MYEF2: variants seen among roughly 807,000 people sequenced by gnomAD.
MYEF2 encodes myelin gene expression factor 2.
A neutral mutation model predicts 75.2 loss-of-function variants in MYEF2; 37 were observed. That is an observed-to-expected ratio of 0.49 (90% confidence interval 0.38 to 0.65). The LOEUF is 0.65. Ranked by LOEUF, MYEF2 falls within the 30% of genes least tolerant of loss-of-function variation. The pLI, the probability that MYEF2 is intolerant of heterozygous loss-of-function variation, is 0.00. For missense variants in MYEF2, 634 were observed against 771.4 expected, an observed-to-expected ratio of 0.82 and a Z score of 2.11; for synonymous variants, 195 against 241.6, an observed-to-expected ratio of 0.81 and a Z score of 1.79.
intron 6 of MYEF2, among the ~76,000 whole-genome samples, 187 bp downstream of exon 6, chr15:48,159,426 C>A (rs1029524033): frequency 1.3e-5 from 2 of 151,908 alleles, no homozygotes; most frequent in Non-Finnish European, 2.9e-5. Flanking sequence ...TAAACTCTAA[C>A]CTTGTGCGTG....
At chr15:48,165,049 G>A (rs2040086053) in intron 5 of MYEF2, among the ~76,000 whole-genome samples, 1 of 152,026 alleles carries the variant, frequency 6.6e-6, no homozygotes, top group African/African-American at 2.4e-5. Flanking sequence ...GAGAAATTAA[G>A]TAGCATGTCT....
In MYEF2 at chr15:48,151,573, T is replaced by C. The variant is rs1597304844; in HGVS notation, c.1208-2A>G. ...TAGTCATCGCACCACGGTACAGCTC[T>C]GAAAAAATTGTGCAACAAATTAACC... On this transcript the variant is annotated splice_acceptor_variant, in intron 12 of 16. Transcript: ENST00000324324. LOFTEE classifies it high-confidence loss of function. 6.3e-7 allele frequency: 1 copy of C among 1,598,562 alleles called. No individual in the cohort carries two copies. The highest frequency in any genetic ancestry group is 8.5e-7 in the Non-Finnish European group (1 of 1,175,276).
rs759813289 is a variant in MYEF2 at position 48,143,047 on chromosome 15, T to G, written c.1664A>C (p.Lys555Thr). The G allele has an allele frequency of 6.4e-7, 1 of 1,574,748 alleles. No homozygotes were observed. The highest frequency in any genetic ancestry group is 8.6e-7 in the Non-Finnish European group (1 of 1,164,154). ...GCCTTTTGACTTTCCATTCTCCATT[T>G]TTATTTCTGCAAACATTACATGACC... ...QCGHVMFAEI[K>T]MENGKSKGCG... is the part of the protein sequence containing the mutation. The change falls in exon 17 of 17, where the codon AAA becomes ACA. Residue 555 changes from lysine (K) to threonine (T), a missense_variant. By Grantham distance (78) the Lys-to-Thr change is moderately conservative. Transcript: ENST00000324324.
rs1399943066 is a variant in MYEF2, at chr15:48,168,652, T to C, written c.349A>G (p.Lys117Glu). The C allele has an allele frequency of 6.2e-7, 1 of 1,613,644 alleles. No homozygotes were observed. The highest frequency in any genetic ancestry group is 1.3e-5 in the African/African-American group (1 of 75,040). The change falls in exon 2 of 17, where the codon AAA becomes GAA. Residue 117 changes from lysine (K) to glutamate (E), a missense_variant. By Grantham distance (56) the Lys-to-Glu change is moderately conservative. Coordinates refer to ENST00000324324, the MANE Select transcript of MYEF2 (RefSeq NM_016132.5). ...IPYDMKWQAI[K>E]DLMREKVGEV... ...TTACCTTTCTCTCTCATTAGATCTT[T>C]AATAGCTTGCCATTTCATGTCATAT...
At chr15:48,175,224 C>G (rs529945569) in intron 1 of MYEF2, among the ~76,000 whole-genome samples, 1 of 152,162 alleles carries the variant, frequency 6.6e-6, no homozygotes, top group East Asian at 1.9e-4. Context: ...CTCAGAAAGA[C>G]AAATGCTACA....
At position 48,142,662 on chromosome 15, in the gene MYEF2, A is replaced by T; in HGVS notation, c.*246T>A. The T allele has an allele frequency of 2.2e-6, 1 of 458,862 alleles. No individual in the cohort carries two copies. Among genetic ancestry groups the T allele is most frequent in the Non-Finnish European group, 3.8e-6 (1 of 265,330 alleles). 28.4% of individuals were successfully genotyped at this position (458,862 alleles called of 1,614,324 possible). A position where few individuals can be genotyped will look rare whatever the true frequency, so the allele number is the denominator to read the frequency against. On this transcript the variant is annotated 3_prime_UTR_variant, in exon 17 of 17. Coordinates refer to ENST00000324324, the MANE Select transcript of MYEF2 (RefSeq NM_016132.5). ...ACTGAAAACAACAAGAAAATGGCTT[A>T]TTTCATTAAAAACAGTATAACCATT... is the stretch of plus-strand genomic sequence containing the variant.
In MYEF2 at chr15:48,138,767, T is replaced by C. The variant is rs1567228790; in HGVS notation, c.*4141A>G. On this transcript the variant is annotated 3_prime_UTR_variant, in exon 17 of 17. Coordinates refer to ENST00000324324, the MANE Select transcript of MYEF2 (RefSeq NM_016132.5). ...AGGCCCCAAATAAAGAAATGCGGAG[T>C]ATCACATCTTACATTGTCTGCCCTA... 3.7e-6 allele frequency: 2 copies of C among 534,698 alleles called. No homozygotes were observed. 33.1% of individuals were successfully genotyped at this position (534,698 alleles called of 1,614,324 possible).
Position 48,139,444 on chromosome 15 carries a change from C to A in MYEF2, c.*3464G>T. ...AAATGAAATCAAATTCATAGGATGT[C>A]TTTTTATTATGCTAATAATTTAATC... On this transcript the variant is annotated 3_prime_UTR_variant, in exon 17 of 17. Coordinates refer to ENST00000324324, the MANE Select transcript of MYEF2 (RefSeq NM_016132.5). 3.9e-6 allele frequency: 1 copy of A among 254,062 alleles called. No individual in the cohort carries two copies. The allele number at this position is 254,062 out of a possible 1,614,324, so 15.7% of individuals were successfully genotyped here.
chr15:48,173,438 G>A (rs1362412413), intron 1 of MYEF2, among the ~76,000 whole-genome samples: 2 of 152,142 alleles, frequency 1.3e-5, no homozygotes, highest in Non-Finnish European at 2.9e-5. Flanking sequence ...GCAGGAAAAA[G>A]AGAAGATGCC....
chr15:48,156,105 A>G (rs1597318872), intron 9 of MYEF2, among the ~76,000 whole-genome samples: 1 of 152,206 alleles, frequency 6.6e-6, no homozygotes, highest in East Asian at 1.9e-4. Context: ...AATACTCTAA[A>G]AACTGACCCA....
chr15:48,137,754 T>G lies in MYEF2; in HGVS notation c.*5154A>C. Reference sequence around the variant, plus strand: ...TGACTGAGAAAATGGGAACAGCACTTATTAAAACTGGGAACTCAGAAAAAG... The same window carrying G: ...TGACTGAGAAAATGGGAACAGCACTGATTAAAACTGGGAACTCAGAAAAAG... On this transcript the variant is annotated 3_prime_UTR_variant, in exon 17 of 17. Coordinates refer to ENST00000324324, the MANE Select transcript of MYEF2 (RefSeq NM_016132.5). The G allele has an allele frequency of 6.6e-6, 1 of 152,048 alleles. No homozygotes were observed. The highest frequency in any genetic ancestry group is 1.9e-4 in the East Asian group (1 of 5,180). 9.4% of individuals were successfully genotyped at this position (152,048 alleles called of 1,614,324 possible). A position where few individuals can be genotyped will look rare whatever the true frequency, so the allele number is the denominator to read the frequency against.
intron 1 of MYEF2, among the ~76,000 whole-genome samples, chr15:48,173,821 C>T (rs911426376): frequency 2.6e-5 from 4 of 151,892 alleles, no homozygotes; most frequent in Admixed American, 2.0e-4. Flanking sequence ...CACTGAAAAA[C>T]GATCAAACAA....
At chr15:48,169,416 T>C (rs900402564) in intron 1 of MYEF2, among the ~76,000 whole-genome samples, 3 of 152,172 alleles carry the variant, frequency 2.0e-5, no homozygotes, top group Non-Finnish European at 4.4e-5. Flanking sequence ...TTTCTTCTAT[T>C]CCCAATTTTG....
At position 48,154,193 on chromosome 15, in the gene MYEF2, A is replaced by C. The variant is rs181359112; in HGVS notation, c.986-300T>G. On this transcript the variant is annotated intron_variant, in intron 9 of 16. Coordinates refer to ENST00000324324, the MANE Select transcript of MYEF2 (RefSeq NM_016132.5). Reference sequence around the variant, plus strand: ...TAAAATACCTAGAGGATTTTGAATAATATCATATCACCTTATATATGGCAC... The same window carrying C: ...TAAAATACCTAGAGGATTTTGAATACTATCATATCACCTTATATATGGCAC... The C allele has an allele frequency of 2.0e-3, 404 of 198,478 alleles. 3 individuals carry two copies. Among genetic ancestry groups the C allele is most frequent in the African/African-American group, 9.0e-3 (386 of 43,012 alleles). 12.3% of individuals were successfully genotyped at this position (198,478 alleles called of 1,614,324 possible). A position where few individuals can be genotyped will look rare whatever the true frequency, so the allele number is the denominator to read the frequency against.
Position 48,138,763 on chromosome 15 carries a change from G to T in MYEF2, c.*4145C>A, listed in dbSNP as rs758250199. 1.9e-6 allele frequency: 1 copy of T among 515,922 alleles called. No homozygotes were observed. Among genetic ancestry groups the T allele is most frequent in the South Asian group, 2.9e-5 (1 of 34,666 alleles). The allele number at this position is 515,922 out of a possible 1,614,324, so 32.0% of individuals were successfully genotyped here. A position where few individuals can be genotyped will look rare whatever the true frequency, so the allele number is the denominator to read the frequency against. On this transcript the variant is annotated 3_prime_UTR_variant, in exon 17 of 17. Coordinates refer to ENST00000324324, the MANE Select transcript of MYEF2 (RefSeq NM_016132.5). Reference sequence around the variant, plus strand: ...TTTAAGGCCCCAAATAAAGAAATGCGGAGTATCACATCTTACATTGTCTGC... The same window carrying T: ...TTTAAGGCCCCAAATAAAGAAATGCTGAGTATCACATCTTACATTGTCTGC...
intron 1 of MYEF2, among the ~76,000 whole-genome samples, chr15:48,176,595 T>C (rs1312327959): frequency 2.0e-5 from 3 of 152,186 alleles, no homozygotes; most frequent in African/African-American, 4.8e-5. Flanking sequence ...TCAAAACTAA[T>C]CATACCCAAG....
intron 5 of MYEF2, 113 bp downstream of exon 5, chr15:48,165,820 A>G: frequency 1.4e-6 from 1 of 690,738 alleles, no homozygotes. Flanking sequence ...TTTAATGAAC[A>G]CCTATGTTTT....
intron 3 of MYEF2, 110 bp downstream of exon 3, chr15:48,167,239 G>A: frequency 3.7e-6 from 4 of 1,094,572 alleles, no homozygotes; most frequent in Non-Finnish European, 5.4e-6. Context: ...GCATAATAAA[G>A]TAAAACAAAA....
At chr15:48,158,361 T>C in intron 7 of MYEF2, 137 bp from the exon 8 acceptor site, 3 of 701,388 alleles carry the variant, frequency 4.3e-6, no homozygotes, top group South Asian at 2.1e-5. Context: ...TATTAGCCAC[T>C]TTCATATACT....
Sources: allele counts gnomAD v4.1 joint callset (sites outside exome capture counted in the v4.1 genomes callset), GRCh38; gene constraint gnomAD v4.1.1; transcripts MANE v1.5; gene names NCBI Gene and HGNC (gene_info 2026-07-23, HGNC 2026-07-21).